Variants in DEPTOR observed in about 807,000 individuals in gnomAD.
The protein encoded by DEPTOR is DEP domain containing MTOR interacting protein.
A neutral mutation model predicts 41.6 loss-of-function variants in DEPTOR; 41 were observed. The ratio of observed to expected loss-of-function variants is 0.98; its 90% confidence interval spans 0.77 to 1.28. DEPTOR has a LOEUF of 1.28. DEPTOR is among the 50% of genes most tolerant of loss of function. The pLI is 0.00. For synonymous variants in DEPTOR, 195 were observed against 192.3 expected (o/e 1.01, Z -0.12); for missense variants, 514 against 527.9 (o/e 0.97, Z 0.26).
chr8:120,006,991 GT>G, intron 7 of DEPTOR, 116 bp downstream of exon 7: 2 of 1,016,118 alleles, frequency 2.0e-6, no homozygotes, highest in Non-Finnish European at 1.5e-6. Context: ...TTTTCTTTTT[GT>G]TTTTAGCGTA....
At chr8:120,017,750 T>C (rs776923712) in intron 8 of DEPTOR, among the ~76,000 whole-genome samples, 1 of 152,218 alleles carries the variant, frequency 6.6e-6, no homozygotes, top group Non-Finnish European at 1.5e-5. Context: ...GAACAAAAGA[T>C]ATCCTTGCTC....
At position 119,873,876 on chromosome 8, in the gene DEPTOR, T is replaced by C; in HGVS notation, c.30T>C (p.Ala10=). Residue 10 remains alanine (A), a synonymous_variant, in exon 1 of 9, where the codon GCT becomes GCC. Transcript: ENST00000286234. MEEGGSTGS[A]GSDSSTSGSG... ...AGGAGGGCGGCAGCACTGGCAGTGC[T>C]GGCAGTGACAGCAGCACCAGCGGGA... 3 of 1,613,484 alleles carry C rather than the reference T, an allele frequency of 1.9e-6. No homozygotes were observed. The highest frequency in any genetic ancestry group is 2.5e-6 in the Non-Finnish European group (3 of 1,179,776).
intron 8 of DEPTOR, among the ~76,000 whole-genome samples, chr8:120,047,362 T>G (rs1813167451): frequency 6.6e-6 from 1 of 151,448 alleles, no homozygotes. Context: ...CAAATTTTAT[T>G]TTATTTTTTA....
At chr8:120,015,765 T>G (rs931936054) in intron 8 of DEPTOR, among the ~76,000 whole-genome samples, 5 of 152,172 alleles carry the variant, frequency 3.3e-5, no homozygotes, top group African/African-American at 1.2e-4. Context: ...GCCAGTTTTA[T>G]AAGTAGGCTG....
chr8:119,875,655 C>A (rs1827222378), intron 1 of DEPTOR, among the ~76,000 whole-genome samples: 1 of 152,110 alleles, frequency 6.6e-6, no homozygotes. Flanking sequence ...TGATGGGTGT[C>A]AGGGTCAGTC....
intron 5 of DEPTOR, among the ~76,000 whole-genome samples, chr8:120,002,374 G>A (rs755645732): frequency 6.6e-5 from 10 of 151,976 alleles, no homozygotes; most frequent in Non-Finnish European, 1.3e-4. Flanking sequence ...TCCTGACCTC[G>A]TGATTCTCCT....
chr8:119,903,955 G>C (rs942263947), intron 1 of DEPTOR, among the ~76,000 whole-genome samples: 1 of 152,008 alleles, frequency 6.6e-6, no homozygotes, highest in Non-Finnish European at 1.5e-5. Flanking sequence ...CCTCCCTTCT[G>C]TAAATGTTAT....
intron 8 of DEPTOR, among the ~76,000 whole-genome samples, chr8:120,040,245 G>A (rs530952740): frequency 8.5e-5 from 13 of 152,214 alleles, no homozygotes; most frequent in African/African-American, 2.6e-4. Context: ...ATACTAACAG[G>A]TATGGGATGA....
intron 1 of DEPTOR, among the ~76,000 whole-genome samples, chr8:119,898,567 T>C (rs886914384): frequency 6.6e-6 from 1 of 151,770 alleles, no homozygotes; most frequent in African/African-American, 2.4e-5. Flanking sequence ...CTCCCAAAAG[T>C]ACAAAAAATA....
chr8:119,994,575 TC>T (rs1382057875), intron 4 of DEPTOR, among the ~76,000 whole-genome samples: 9 of 152,158 alleles, frequency 5.9e-5, no homozygotes, highest in Non-Finnish European at 1.3e-4. Flanking sequence ...CATACGTTTT[TC>T]ATAGGTAAAA....
intron 2 of DEPTOR, among the ~76,000 whole-genome samples, chr8:119,928,849 C>G (rs555028365): frequency 6.6e-6 from 1 of 151,856 alleles, no homozygotes; most frequent in African/African-American, 2.4e-5. Context: ...CCTCAGCCCC[C>G]CAAAGTGCTG....
chr8:119,938,593 ATC>A (rs1456563365), intron 3 of DEPTOR, among the ~76,000 whole-genome samples: 1 of 152,092 alleles, frequency 6.6e-6, no homozygotes, highest in East Asian at 1.9e-4. Context: ...GCTGGTTGCA[ATC>A]TCTGCCTCCT....
chr8:120,037,029 A>T (rs549282039), intron 8 of DEPTOR, among the ~76,000 whole-genome samples: 97 of 152,334 alleles, frequency 6.4e-4, no homozygotes, highest in African/African-American at 2.2e-3. Context: ...GAATAACATC[A>T]TCACTTAACA....
chr8:120,037,862 A>G (rs937312660), intron 8 of DEPTOR, among the ~76,000 whole-genome samples: 1 of 152,174 alleles, frequency 6.6e-6, no homozygotes, highest in Non-Finnish European at 1.5e-5. Flanking sequence ...GTTTTCTTCC[A>G]TCTATAAAGA....
At chr8:119,898,754 G>A (rs1393651555) in intron 1 of DEPTOR, among the ~76,000 whole-genome samples, 1 of 151,642 alleles carries the variant, frequency 6.6e-6, no homozygotes, top group East Asian at 1.9e-4. Context: ...TTATATTTTA[G>A]GAAAGCAAGC....
At chr8:119,879,005 G>T (rs1361960572) in intron 1 of DEPTOR, among the ~76,000 whole-genome samples, 1 of 151,908 alleles carries the variant, frequency 6.6e-6, no homozygotes, top group Non-Finnish European at 1.5e-5. Flanking sequence ...AGCTACTCGA[G>T]AGTCTAAGGC....
intron 1 of DEPTOR, among the ~76,000 whole-genome samples, chr8:119,896,008 C>T (rs925314271): frequency 3.3e-5 from 5 of 151,956 alleles, no homozygotes; most frequent in African/African-American, 9.7e-5. Flanking sequence ...ATTTTATGTC[C>T]GCCAAGATAC....
intron 3 of DEPTOR, among the ~76,000 whole-genome samples, chr8:119,963,764 T>C (rs1828521091): frequency 6.6e-6 from 1 of 152,098 alleles, no homozygotes; most frequent in Admixed American, 6.6e-5. Flanking sequence ...ATTTTGGAGA[T>C]GTGAAAATGG....
At chr8:119,890,551 C>T (rs529537958) in intron 1 of DEPTOR, among the ~76,000 whole-genome samples, 1 of 152,152 alleles carries the variant, frequency 6.6e-6, no homozygotes, top group African/African-American at 2.4e-5. Flanking sequence ...GATCCACCCA[C>T]CTCGGCCTCC....
Sources: gnomAD v4.1 joint callset for allele counts (sites outside exome capture counted in the v4.1 genomes callset) on GRCh38, gnomAD v4.1.1 for gene constraint, MANE v1.5 for transcripts, NCBI Gene and HGNC (gene_info 2026-07-23, HGNC 2026-07-21) for gene names.